CADM2: variants seen among roughly 807,000 people sequenced by gnomAD.
The protein encoded by CADM2 is immunoglobulin superfamily member 4D.
A neutral mutation model predicts 49.8 loss-of-function variants in CADM2; 12 were observed. The ratio of observed to expected loss-of-function variants is 0.24; its 90% CI spans 0.15 to 0.39. CADM2 has a LOEUF of 0.39. CADM2 is among the 10% of genes least tolerant of loss of function. CADM2 has a pLI of 1.00. For synonymous variants in CADM2, 214 were observed against 175.4 expected (o/e 1.22, Z -1.74); for missense variants, 378 against 492.3 (o/e 0.77, Z 2.20).
chr3:85,653,053 G>A (rs562229657), intron 1 of CADM2, among the ~76,000 whole-genome samples: 12 of 151,594 alleles, frequency 7.9e-5, no homozygotes, highest in South Asian at 2.1e-4. Context: ...GATTACAGGC[G>A]TGAGCCACCG....
chr3:85,901,445 T>G (rs1450874680), intron 5 of CADM2, among the ~76,000 whole-genome samples: 1 of 152,184 alleles, frequency 6.6e-6, no homozygotes, highest in Non-Finnish European at 1.5e-5. Context: ...TTTACTAGTT[T>G]GGAAATAAAA....
intron 1 of CADM2, among the ~76,000 whole-genome samples, chr3:85,216,021 T>A (rs1406094765): frequency 6.6e-6 from 1 of 152,064 alleles, no homozygotes; most frequent in Non-Finnish European, 1.5e-5. Flanking sequence ...TTCCTTACTA[T>A]GACGTTAAAG....
intron 1 of CADM2, among the ~76,000 whole-genome samples, chr3:85,725,043 G>T (rs993639424): frequency 1.3e-5 from 2 of 151,662 alleles, no homozygotes; most frequent in African/African-American, 4.8e-5. Flanking sequence ...CAATAATATT[G>T]TAAGTAGTCT....
intron 1 of CADM2, among the ~76,000 whole-genome samples, chr3:85,616,494 G>T (rs571743325): frequency 6.6e-6 from 1 of 151,988 alleles, no homozygotes; most frequent in African/African-American, 2.4e-5. Flanking sequence ...AGAGTATTTT[G>T]TTACTGTTTC....
chr3:85,596,141 C>T (rs987027462), intron 1 of CADM2, among the ~76,000 whole-genome samples: 3 of 151,532 alleles, frequency 2.0e-5, no homozygotes, highest in Non-Finnish European at 4.4e-5. Context: ...GCCCATCTTT[C>T]TGTTGGTTTA....
intron 7 of CADM2, among the ~76,000 whole-genome samples, chr3:85,951,160 A>T (rs1412172068): frequency 1.3e-5 from 2 of 151,104 alleles, no homozygotes; most frequent in Admixed American, 6.6e-5. Flanking sequence ...ACTCTAACTC[A>T]TGATAATTGT....
In CADM2 at chr3:86,072,009, T is replaced by A. The variant is rs1465496223; in HGVS notation, c.*5226T>A. 1.2e-4 allele frequency: 9 copies of A among 72,718 alleles called. No individual in the cohort carries two copies. Among genetic ancestry groups the A allele is most frequent in the African/African-American group, 8.2e-4 (5 of 6,132 alleles). 4.5% of individuals were successfully genotyped at this position (72,718 alleles called of 1,614,324 possible). ...CTGCACGAGACAAATTTAAGTATTT[T>A]AAAAATCATCCTTATTAATAAATAA... On this transcript the variant is annotated 3_prime_UTR_variant, in exon 10 of 10. Transcript: ENST00000383699.
intron 1 of CADM2, among the ~76,000 whole-genome samples, chr3:85,426,115 C>T (rs1329988826): frequency 6.7e-6 from 1 of 149,826 alleles, no homozygotes; most frequent in African/African-American, 2.4e-5. Flanking sequence ...GCAATAATAT[C>T]CTGATTTCAG....
At chr3:85,088,803 A>C (rs1375279088) in intron 1 of CADM2, among the ~76,000 whole-genome samples, 1 of 152,128 alleles carries the variant, frequency 6.6e-6, no homozygotes, top group Non-Finnish European at 1.5e-5. Flanking sequence ...TTATTTGTCT[A>C]TTAAGAGATA....
In CADM2 at chr3:85,794,358, C is replaced by T. The variant is rs529138277; in HGVS notation, c.89-7689C>T. On this transcript the variant is annotated intron_variant, in intron 2 of 9. Transcript: ENST00000383699. ...TGGTGCATTTACTTTAGATGATGAA[C>T]ACCTTTTGAGAGCTTCTATTTACTA... Among the ~76,000 whole-genome samples the T allele has an allele frequency of 9.9e-5, 15 of 152,256 alleles. No homozygotes were observed. In the South Asian group the frequency reaches 2.7e-3, roughly 27 times the overall value.
At chr3:85,180,502 C>G (rs1316691326) in intron 1 of CADM2, among the ~76,000 whole-genome samples, 1 of 131,454 alleles carries the variant, frequency 7.6e-6, no homozygotes, top group Non-Finnish European at 1.5e-5. Context: ...GAGTGAGACC[C>G]TGTCTCAAAA....
At chr3:85,522,496 T>C (rs970029037) in intron 1 of CADM2, among the ~76,000 whole-genome samples, 4 of 152,136 alleles carry the variant, frequency 2.6e-5, no homozygotes, top group African/African-American at 9.7e-5. Context: ...CTTAATACTG[T>C]AGTCAAATTG....
At chr3:85,383,539 C>CAT (rs1559811990) in intron 1 of CADM2, among the ~76,000 whole-genome samples, 2 of 124,482 alleles carry the variant, frequency 1.6e-5, no homozygotes, top group African/African-American at 3.0e-5. Flanking sequence ...TATATATATA[C>CAT]ATATATATAT....
intron 3 of CADM2, among the ~76,000 whole-genome samples, chr3:85,825,769 G>C (rs547572167): frequency 6.6e-6 from 1 of 151,842 alleles, no homozygotes; most frequent in Non-Finnish European, 1.5e-5. Flanking sequence ...TAAAAATTTC[G>C]GTAGCTTTTG....
chr3:86,014,884 T>A, intron 8 of CADM2: 1 of 1,544,248 alleles, frequency 6.5e-7, no homozygotes. Flanking sequence ...TTGATGAAGG[T>A]CCTGTGTATT....
chr3:85,344,358 C>A (rs903941605), intron 1 of CADM2, among the ~76,000 whole-genome samples: 1 of 149,608 alleles, frequency 6.7e-6, no homozygotes, highest in Non-Finnish European at 1.5e-5. Flanking sequence ...TCCAGCCCAG[C>A]GACAGAGTGA....
chr3:85,034,648 TA>T (rs2035131592), intron 1 of CADM2, among the ~76,000 whole-genome samples: 1 of 152,102 alleles, frequency 6.6e-6, no homozygotes, highest in Admixed American at 6.5e-5. Context: ...CTCTATTTTT[TA>T]GTTTTTTGAG....
chr3:85,416,281 A>G (rs528740202), intron 1 of CADM2, among the ~76,000 whole-genome samples: 9 of 152,100 alleles, frequency 5.9e-5, no homozygotes, highest in Non-Finnish European at 1.3e-4. Context: ...CTAATTACTG[A>G]TCTCTCTTAT....
At chr3:85,091,506 A>C (rs939711420) in intron 1 of CADM2, among the ~76,000 whole-genome samples, 1 of 152,230 alleles carries the variant, frequency 6.6e-6, no homozygotes, top group Non-Finnish European at 1.5e-5. Flanking sequence ...ATAGTTTTCA[A>C]TAATCTGAAG....
Sources: allele counts gnomAD v4.1 joint callset (sites outside exome capture counted in the v4.1 genomes callset), GRCh38; gene constraint gnomAD v4.1.1; transcripts MANE v1.5; gene names NCBI Gene and HGNC (gene_info 2026-07-23, HGNC 2026-07-21).